The following MAML3 variants were observed in gnomAD, a reference collection of about 807,000 sequenced individuals.
MAML3 encodes the protein mastermind-like protein 3.
A neutral mutation model predicts 101.9 loss-of-function variants in MAML3; 27 were observed. The observed-to-expected ratio is 0.27, with a 90% CI of 0.20 to 0.37. The LOEUF (loss-of-function observed/expected upper bound fraction) is 0.37. Ranked by LOEUF, MAML3 falls within the 10% of genes least tolerant of loss-of-function variation. The pLI is 1.00. For missense variants in MAML3, 1,316 were observed against 1,444.9 expected, an observed-to-expected ratio of 0.91 and a Z score of 1.45; for synonymous variants, 501 against 555.9, an observed-to-expected ratio of 0.90 and a Z score of 1.39.
At chr4:139,957,417 G>A (rs1464970114) in intron 1 of MAML3, among the ~76,000 whole-genome samples, 1 of 152,174 alleles carries the variant, frequency 6.6e-6, no homozygotes, top group East Asian at 1.9e-4. Flanking sequence ...ATAAGCATGA[G>A]TTTGGGGAAG....
intron 1 of MAML3, among the ~76,000 whole-genome samples, chr4:140,106,780 T>C (rs1179885729): frequency 6.6e-6 from 1 of 152,238 alleles, no homozygotes; most frequent in Non-Finnish European, 1.5e-5. Flanking sequence ...TTTTCTTTTC[T>C]AGTCTAAAAT....
intron 1 of MAML3, among the ~76,000 whole-genome samples, chr4:140,128,995 G>A (rs1728734712): frequency 6.6e-6 from 1 of 152,098 alleles, no homozygotes. Flanking sequence ...GGTCATCAGA[G>A]TCGTAGTCAC....
In MAML3 at chr4:140,101,126, C is replaced by T. The variant is rs903298689; in HGVS notation, c.468+51734G>A. ...ACTAACAGCAAGGGACCAGAGTCGA[C>T]GCTACATGGAATAGAAGAATCACTC... On this transcript the variant is annotated intron_variant, in intron 1 of 4. Coordinates refer to ENST00000509479, the MANE Select transcript of MAML3 (RefSeq NM_018717.5). Among the ~76,000 whole-genome samples the T allele has an allele frequency of 5.3e-5, 8 of 152,084 alleles. No individual in the cohort carries two copies. In the South Asian group the frequency reaches 8.3e-4, roughly 16 times the overall value.
At chr4:140,062,044 C>T (rs1233159997) in intron 1 of MAML3, among the ~76,000 whole-genome samples, 1 of 152,180 alleles carries the variant, frequency 6.6e-6, no homozygotes, top group African/African-American at 2.4e-5. Context: ...CAAGTAGGAA[C>T]AGATACCTCC....
intron 1 of MAML3, among the ~76,000 whole-genome samples, chr4:140,023,497 T>C (rs557130896): frequency 6.6e-6 from 1 of 152,278 alleles, no homozygotes; most frequent in South Asian, 2.1e-4. Context: ...ATTCAGTCCT[T>C]TATGCCCAAG....
At chr4:139,825,461 T>C (rs111417401) in intron 2 of MAML3, among the ~76,000 whole-genome samples, 10 of 152,300 alleles carry the variant, frequency 6.6e-5, no homozygotes, top group African/African-American at 2.2e-4. Context: ...TTCCCTCTCA[T>C]CTTTTTATAA....
chr4:140,087,756 T>C (rs907217249), intron 1 of MAML3, among the ~76,000 whole-genome samples: 1 of 152,142 alleles, frequency 6.6e-6, no homozygotes, highest in African/African-American at 2.4e-5. Flanking sequence ...TCATCCTGGG[T>C]CTCCTTCACT....
At chr4:139,726,061 C>T (rs1477790802) in intron 3 of MAML3, among the ~76,000 whole-genome samples, 2 of 152,226 alleles carry the variant, frequency 1.3e-5, no homozygotes, top group Non-Finnish European at 2.9e-5. Flanking sequence ...AGAAACAGAA[C>T]GCTGCCAGGA....
At chr4:139,858,870 A>G (rs1419311995) in intron 2 of MAML3, among the ~76,000 whole-genome samples, 1 of 152,216 alleles carries the variant, frequency 6.6e-6, no homozygotes, top group African/African-American at 2.4e-5. Flanking sequence ...TATGAACCAC[A>G]GTTAAGACTG....
In MAML3 at chr4:139,718,527, G is replaced by C. The variant is rs963779785; in HGVS notation, c.*796C>G. The C allele has an allele frequency of 1.1e-4, 16 of 152,340 alleles. No homozygotes were observed. Among genetic ancestry groups the C allele is most frequent in the African/African-American group, 3.6e-4 (15 of 41,448 alleles). 9.4% of individuals were successfully genotyped at this position (152,340 alleles called of 1,614,324 possible). On this transcript the variant is annotated 3_prime_UTR_variant, in exon 5 of 5. Transcript: ENST00000509479. ...TAGATGTGACCCACCTGGATGTATGGGTTTTGTATTGGGCGCCAGCAGGCT... is the reference window on the plus strand; with the variant it reads ...TAGATGTGACCCACCTGGATGTATGCGTTTTGTATTGGGCGCCAGCAGGCT...
At position 139,857,998 on chromosome 4, in the gene MAML3, T is replaced by A. The variant is rs566867173; in HGVS notation, c.2079+31359A>T. 6.6e-5 allele frequency among the ~76,000 whole-genome samples: 10 copies of A among 152,312 alleles called. No individual in the cohort carries two copies. The South Asian group carries it at 2.1e-3, about 32-fold the overall frequency. The stretch of plus-strand genomic sequence containing the variant: ...GTCACAGTGGACCACCCCACCTTAA[T>A]CTGGGTTACCATATAATTCCATCAG... On this transcript the variant is annotated intron_variant, in intron 2 of 4. Coordinates refer to ENST00000509479, the MANE Select transcript of MAML3 (RefSeq NM_018717.5).
intron 2 of MAML3, among the ~76,000 whole-genome samples, chr4:139,748,831 T>G (rs1238753921): frequency 6.6e-6 from 1 of 152,232 alleles, no homozygotes; most frequent in East Asian, 1.9e-4. Context: ...ACCAGGTATT[T>G]TGCCAGCGGC....
chr4:139,866,562 T>TC (rs1411915071), intron 2 of MAML3, among the ~76,000 whole-genome samples: 2 of 152,286 alleles, frequency 1.3e-5, no homozygotes, highest in Admixed American at 6.5e-5. Flanking sequence ...GGCTCCTGGG[T>TC]CAGACCCCGC....
chr4:140,012,729 C>T (rs971654452), intron 1 of MAML3, among the ~76,000 whole-genome samples: 1 of 152,222 alleles, frequency 6.6e-6, no homozygotes, highest in African/African-American at 2.4e-5. Flanking sequence ...CTCTTGAGGT[C>T]TAGGTTCTAT....
At chr4:139,987,316 C>T (rs913563997) in intron 1 of MAML3, among the ~76,000 whole-genome samples, 1 of 152,164 alleles carries the variant, frequency 6.6e-6, no homozygotes, top group Non-Finnish European at 1.5e-5. Context: ...AAGAAAATGA[C>T]TGGGCAGAGG....
chr4:140,068,801 T>C (rs1371049179), intron 1 of MAML3, among the ~76,000 whole-genome samples: 1 of 152,192 alleles, frequency 6.6e-6, no homozygotes. Context: ...TTTTGTATCA[T>C]TATTACTATT....
chr4:140,040,012 G>A (rs1204057317), intron 1 of MAML3, among the ~76,000 whole-genome samples: 2 of 152,168 alleles, frequency 1.3e-5, no homozygotes, highest in Non-Finnish European at 2.9e-5. Flanking sequence ...AAAGACATGA[G>A]AGGACAGACC....
chr4:139,835,372 G>A (rs1731240691), intron 2 of MAML3, among the ~76,000 whole-genome samples: 1 of 152,220 alleles, frequency 6.6e-6, no homozygotes, highest in Admixed American at 6.5e-5. Flanking sequence ...CTAAAGACAT[G>A]TGAGCTCAGC....
chr4:140,091,508 T>C (rs1331103817), intron 1 of MAML3, among the ~76,000 whole-genome samples: 5 of 123,942 alleles, frequency 4.0e-5, no homozygotes, highest in South Asian at 2.5e-4. Flanking sequence ...GAGGGAATGA[T>C]TAGTGTAAAA....
Sources: gnomAD v4.1 joint callset for allele counts (sites outside exome capture counted in the v4.1 genomes callset) on GRCh38, gnomAD v4.1.1 for gene constraint, MANE v1.5 for transcripts, NCBI Gene and HGNC (gene_info 2026-07-23, HGNC 2026-07-21) for gene names.